PHRF1: variants seen among roughly 807,000 people sequenced by gnomAD.
PHRF1 encodes the protein PHD and RING finger domain-containing protein 1.
In PHRF1, 53 loss-of-function variants were observed where a neutral mutation model predicts 128.9. That is an observed-to-expected ratio of 0.41 (90% CI 0.33 to 0.52). The LOEUF (loss-of-function observed/expected upper bound fraction) is 0.52, where lower values mean the gene tolerates loss of function less well. Ranked by LOEUF, PHRF1 falls within the 20% of genes least tolerant of loss-of-function variation. The pLI is 0.21. For synonymous variants in PHRF1, 1,178 were observed against 980.6 expected, an observed-to-expected ratio of 1.20 and a Z score of -3.76; for missense variants, 2,503 against 2,284.5, an observed-to-expected ratio of 1.10 and a Z score of -1.95.
chr11:585,580 C>CTTCAACTCTTTTT (rs1564841172), intron 3 of PHRF1, among the ~76,000 whole-genome samples: 2 of 121,768 alleles, frequency 1.6e-5, no homozygotes, highest in African/African-American at 3.5e-5. Context: ...GGTAGTAGCC[C>CTTCAACTCTTTTT]TTTCCAGCTT....
chr11:606,605 C>A lies in PHRF1; in HGVS notation c.1609+9C>A, dbSNP rs1337933158. On this transcript the variant is annotated intron_variant, in intron 13 of 17. Transcript: ENST00000264555. ...CAGCGCCAAGAGGGCGGGTGAGTGC[C>A]TTCCCTGCCACGGCCCCTTCCTCTG... is the stretch of plus-strand genomic sequence containing the variant. 3.8e-6 allele frequency: 6 copies of A among 1,593,948 alleles called. No individual in the cohort carries two copies. The highest frequency in any genetic ancestry group is 5.1e-6 in the Non-Finnish European group (6 of 1,168,862).
chr11:611,763 G>T lies in PHRF1; in HGVS notation c.4936G>T (p.Gly1646Trp). 1 of 1,606,648 alleles carries T rather than the reference G, an allele frequency of 6.2e-7. No homozygotes were observed. Among genetic ancestry groups the T allele is most frequent in the Non-Finnish European group, 8.5e-7 (1 of 1,177,142 alleles). The part of the protein sequence containing the change: ...PEAGEEPPTQ[G>W]AEG ...GGCCGGGGAGGAGCCGCCCACGCAG[G>T]GGGCCGAGGGCTGAGGCCAGGCAAT... Residue 1646 changes from glycine to tryptophan, a missense_variant, in exon 18 of 18, where the codon GGG becomes TGG. Coordinates refer to ENST00000264555, the MANE Select transcript of PHRF1 (RefSeq NM_001286581.2).
Position 609,320 on chromosome 11 carries a change from G to T in PHRF1, c.3864G>T (p.Ser1288=). Residue 1288 remains serine, a synonymous_variant, in exon 14 of 18, where the codon TCG becomes TCT. Transcript: ENST00000264555. The stretch of plus-strand genomic sequence containing the variant: ...TCATCCAGCTCGATGACATGAGCTC[G>T]CCACCTTCTCCCGAAAGCACAGACT... The part of the protein sequence containing the change: ...AVFIQLDDMS[S]PPSPESTDSS... The T allele has an allele frequency of 2.5e-6, 4 of 1,612,368 alleles. No individual in the cohort carries two copies. Among genetic ancestry groups the T allele is most frequent in the East Asian group, 2.2e-5 (1 of 44,872 alleles).
In PHRF1 at chr11:597,295, C is replaced by G. The variant is rs572826534; in HGVS notation, c.719-100C>G. ...CCTGGGTCCTGTGCACAGGTCAGCC[C>G]GAGCCAGGGCTGCTACTTGGCCGGC... On this transcript the variant is annotated intron_variant, in intron 7 of 17. Coordinates refer to ENST00000264555, the MANE Select transcript of PHRF1 (RefSeq NM_001286581.2). This position sits in a 1 kb window ranked among gnomAD's most constrained non-coding sequence, Gnocchi z 6.5. 2.8e-6 allele frequency: 4 copies of G among 1,446,324 alleles called. No individual in the cohort carries two copies. The African/African-American group carries it at 5.6e-5, about 20-fold the overall frequency. The allele number at this position is 1,446,324 out of a possible 1,614,324, so 89.6% of individuals were successfully genotyped here.
At position 608,018 on chromosome 11, in the gene PHRF1, C is replaced by T. The variant is rs1184310661; in HGVS notation, c.2562C>T (p.Leu854=). The T allele has an allele frequency of 6.2e-7, 1 of 1,611,218 alleles. No individual in the cohort carries two copies. Among genetic ancestry groups the T allele is most frequent in the East Asian group, 2.2e-5 (1 of 44,868 alleles). Residue 854 remains leucine (L), a synonymous_variant, in exon 14 of 18, where the codon CTC becomes CTT. Transcript: ENST00000264555. ...GCCCCGAGAGGTCTGGCCCCGGCCT[C>T]CTGCCCTCTGAGATCACACGAACCA... ...GSSPERSGPG[L]LPSEITRTIS...
chr11:578,989 G>A (rs888148516), intron 1 of PHRF1, among the ~76,000 whole-genome samples: 2 of 152,136 alleles, frequency 1.3e-5, no homozygotes, highest in African/African-American at 2.4e-5. Flanking sequence ...ACAGGTGCAC[G>A]CCGCCATGCC....
Position 610,650 on chromosome 11 carries a change from C to T in PHRF1, c.4566C>T (p.Pro1522=), listed in dbSNP as rs765438871. 12 of 1,604,312 alleles carry T rather than the reference C, an allele frequency of 7.5e-6. No individual in the cohort carries two copies. The highest frequency in any genetic ancestry group is 2.2e-5 in the East Asian group (1 of 44,880). Residue 1522 remains proline, a synonymous_variant, in exon 16 of 18, where the codon CCC becomes CCT. Coordinates refer to ENST00000264555, the MANE Select transcript of PHRF1 (RefSeq NM_001286581.2). ...CAGCACAGACCCTGGCCCCAGTGCC[C>T]GCTGCCCTGACCCCAGCCTCAGAGC... ...CGAAQTLAPV[P]AALTPASEPA...
At position 610,097 on chromosome 11, in the gene PHRF1, C is replaced by T. The variant is rs1005714796; in HGVS notation, c.4265-99C>T. 9.2e-6 allele frequency: 13 copies of T among 1,419,032 alleles called. No homozygotes were observed. The African/African-American group carries it at 1.6e-4, about 17-fold the overall frequency. The allele number at this position is 1,419,032 out of a possible 1,614,324, so 87.9% of individuals were successfully genotyped here. On this transcript the variant is annotated intron_variant, in intron 14 of 17. Coordinates refer to ENST00000264555, the MANE Select transcript of PHRF1 (RefSeq NM_001286581.2). ...TGGATCTGAGGGCTGCTCTGTGGTC[C>T]TTGCTCCTGGTGCTTTTCTGGATTT...
chr11:577,714 T>C (rs1002460828), intron 1 of PHRF1, among the ~76,000 whole-genome samples: 1 of 152,236 alleles, frequency 6.6e-6, no homozygotes, highest in East Asian at 1.9e-4. Context: ...TCGGCCTGAG[T>C]TGAGGTGTTG....
At chr11:610,123 T>C (rs1856272371) in intron 14 of PHRF1, 73 bp from the exon 15 acceptor site, 1 of 1,443,258 alleles carries the variant, frequency 6.9e-7, no homozygotes, top group Non-Finnish European at 9.2e-7. Context: ...TTCTGGATTT[T>C]TCCAGCCATG....
At chr11:584,703 A>C (rs564803317) in intron 3 of PHRF1, among the ~76,000 whole-genome samples, 2 of 148,992 alleles carry the variant, frequency 1.3e-5, no homozygotes, top group African/African-American at 2.5e-5. Context: ...AGCCACTGTG[A>C]ACACTTCTTT....
chr11:582,188 T>G, intron 3 of PHRF1, 107 bp downstream of exon 3: 1 of 1,510,436 alleles, frequency 6.6e-7, no homozygotes, highest in Non-Finnish European at 8.9e-7. Context: ...CAGCTGGCCA[T>G]GTCCCTGCGG....
At position 608,789 on chromosome 11, in the gene PHRF1, A is replaced by G. The variant is rs1554913655; in HGVS notation, c.3333A>G (p.Lys1111=). 8.1e-6 allele frequency: 13 copies of G among 1,611,758 alleles called. 1 individual carries two copies. In the South Asian group the frequency reaches 1.3e-4, roughly 16 times the overall value. Residue 1111 remains lysine, a synonymous_variant, in exon 14 of 18, where the codon AAA becomes AAG. Transcript: ENST00000264555. ...ACTATGAGAGTAGGAAGAAGAAGAA[A>G]AGGAGATCAGCGTCCAGACCTCGGG... ...YEHYESRKKK[K]RRSASRPRGR...
chr11:598,777 A>AGT (rs1188326663), intron 9 of PHRF1, among the ~76,000 whole-genome samples: 5 of 152,200 alleles, frequency 3.3e-5, no homozygotes, highest in African/African-American at 1.2e-4. Flanking sequence ...TGCATCCTGA[A>AGT]GTTTATGGAA....
chr11:608,366 C>A lies in PHRF1; in HGVS notation c.2910C>A (p.Ala970=), dbSNP rs1321772729. 1 of 1,610,940 alleles carries A rather than the reference C, an allele frequency of 6.2e-7. No individual in the cohort carries two copies. The highest frequency in any genetic ancestry group is 8.5e-7 in the Non-Finnish European group (1 of 1,179,208). The change falls in exon 14 of 18, where the codon GCC becomes GCA. Residue 970 remains alanine (A), a synonymous_variant. Transcript: ENST00000264555. ...GTGTGACTGTCGTGGAGCCGGAAGC[C>A]CCACCCAGCCCGGACGTGCTGCAGG... ...VTCVTVVEPE[A]PPSPDVLQAA... is the part of the protein sequence containing the mutation.
chr11:603,859 C>T (rs568531819), intron 10 of PHRF1, among the ~76,000 whole-genome samples: 43 of 150,622 alleles, frequency 2.9e-4, no homozygotes, highest in Admixed American at 1.5e-3. Flanking sequence ...TGTGCTACCA[C>T]GCCCGGCTAA....
chr11:592,799 C>A, intron 6 of PHRF1, 125 bp downstream of exon 6: 2 of 1,027,596 alleles, frequency 1.9e-6, no homozygotes, highest in Non-Finnish European at 3.0e-6. Flanking sequence ...GTGCTCACCA[C>A]CCTCAGCAGC....
rs1470568887 is a variant in PHRF1 at position 599,720 on chromosome 11, G to A, written c.1024+1218G>A. On this transcript the variant is annotated intron_variant, in intron 9 of 17. Transcript: ENST00000264555. The stretch of plus-strand genomic sequence containing the variant: ...TGCATCACTGTGTGTCGGTCGTGCT[G>A]GTCCTGGGGCTCCAGGGGACTCAGT... Among the ~76,000 whole-genome samples the A allele has an allele frequency of 1.9e-4, 29 of 152,206 alleles. 1 individual carries two copies.
intron 13 of PHRF1, 115 bp from the exon 14 acceptor site, chr11:606,951 G>A: frequency 6.8e-7 from 1 of 1,468,696 alleles, no homozygotes; most frequent in Non-Finnish European, 9.1e-7. Context: ...TCAACAGGCA[G>A]ACAGGAGTTT....
Sources: gnomAD v4.1 joint callset for allele counts (sites outside exome capture counted in the v4.1 genomes callset) on GRCh38, gnomAD v4.1.1 for gene constraint, Gnocchi (gnomAD v3.1) non-coding constraint, MANE v1.5 for transcripts, NCBI Gene and HGNC (gene_info 2026-07-23, HGNC 2026-07-21) for gene names.